TMEM108: variants seen among roughly 807,000 people sequenced by gnomAD.
TMEM108 encodes the protein transmembrane protein 108.
TMEM108 carries 12 observed loss-of-function variants against 35.1 expected under a neutral mutation model. That is an observed-to-expected ratio of 0.34 (90% CI 0.22 to 0.55). The LOEUF is 0.55. TMEM108 is among the 20% of genes least tolerant of loss of function. The pLI is 0.89. For synonymous variants in TMEM108, 287 were observed against 308.6 expected (o/e 0.93, Z 0.73); for missense variants, 680 against 753.3 (o/e 0.90, Z 1.14).
chr3:133,390,948 G>T (rs1450117788), intron 5 of TMEM108, among the ~76,000 whole-genome samples: 6 of 152,212 alleles, frequency 3.9e-5, no homozygotes, highest in African/African-American at 1.4e-4. Context: ...TGGCTGGTCA[G>T]TGAGTGAGCT....
intron 3 of TMEM108, among the ~76,000 whole-genome samples, chr3:133,282,990 G>A (rs909735933): frequency 7.2e-5 from 11 of 152,282 alleles, no homozygotes; most frequent in Non-Finnish European, 1.2e-4. Flanking sequence ...GTGTAGACAC[G>A]TATGTGTGTA....
At chr3:133,275,988 G>C (rs944314756) in intron 3 of TMEM108, among the ~76,000 whole-genome samples, 1 of 152,188 alleles carries the variant, frequency 6.6e-6, no homozygotes, top group South Asian at 2.1e-4. Context: ...ACTAGCCATG[G>C]ACGTGGCATT....
At chr3:133,313,660 C>T (rs1390607168) in intron 3 of TMEM108, among the ~76,000 whole-genome samples, 1 of 152,306 alleles carries the variant, frequency 6.6e-6, no homozygotes. Context: ...CATGCAATGT[C>T]CATCTGCCCT....
intron 2 of TMEM108, among the ~76,000 whole-genome samples, chr3:133,146,009 A>G (rs1944714382): frequency 6.6e-6 from 1 of 152,220 alleles, no homozygotes; most frequent in Admixed American, 6.5e-5. Flanking sequence ...TATGTTGAAT[A>G]GGAGTGGTGA....
At chr3:133,389,233 A>G in intron 4 of TMEM108, 1 of 985,544 alleles carries the variant, frequency 1.0e-6, no homozygotes, top group Non-Finnish European at 1.2e-6. Context: ...AACAATATCG[A>G]GACATAATTC....
chr3:133,323,913 CAT>C (rs1310278132), intron 3 of TMEM108, among the ~76,000 whole-genome samples: 1 of 152,044 alleles, frequency 6.6e-6, no homozygotes, highest in Non-Finnish European at 1.5e-5. Flanking sequence ...CAAACAAAAA[CAT>C]AAAGTCAGGA....
At chr3:133,219,239 C>T (rs1482567482) in intron 2 of TMEM108, among the ~76,000 whole-genome samples, 1 of 151,946 alleles carries the variant, frequency 6.6e-6, no homozygotes, top group Non-Finnish European at 1.5e-5. Context: ...TCTTTTCTTT[C>T]ATTTCTAACT....
chr3:133,199,653 G>A lies in TMEM108; in HGVS notation c.-46-29613G>A, dbSNP rs977239549. 8.3e-4 allele frequency among the ~76,000 whole-genome samples: 126 copies of A among 152,108 alleles called. 2 individuals carry two copies. Among genetic ancestry groups the A allele is most frequent in the Admixed American group, 8.1e-3 (123 of 15,264 alleles). ...GCCTAATCGTTCCTCTGGAAGCTTCGTCTCAGAGGGGCACCCAGCCGTATG... is the reference window on the plus strand; with the variant it reads ...GCCTAATCGTTCCTCTGGAAGCTTCATCTCAGAGGGGCACCCAGCCGTATG... On this transcript the variant is annotated intron_variant, in intron 2 of 5. Transcript: ENST00000321871.
At chr3:133,040,202 G>GTTTTTTTT (rs200928853) in intron 1 of TMEM108, among the ~76,000 whole-genome samples, 12 of 119,682 alleles carry the variant, frequency 1.0e-4, no homozygotes, top group African/African-American at 1.8e-4. Context: ...TTGTTTGTTT[G>GTTTTTTTT]TTTGTTTTTT....
rs534090881 is a variant in TMEM108 at position 133,078,559 on chromosome 3, A to G, written c.-47+32539A>G. Among the ~76,000 whole-genome samples, 3 of 152,314 alleles carry G rather than the reference A, an allele frequency of 2.0e-5. No homozygotes were observed. In the East Asian group the frequency reaches 5.8e-4, roughly 29 times the overall value. ...AGGCTGTAACCCTCTGAAAGGCCAC[A>G]GAATTATTAGTGATATTTTGAGTTT... is the stretch of plus-strand genomic sequence containing the variant. On this transcript the variant is annotated intron_variant, in intron 2 of 5. Transcript: ENST00000321871.
intron 2 of TMEM108, among the ~76,000 whole-genome samples, chr3:133,222,731 T>C (rs1260555969): frequency 6.6e-6 from 1 of 152,150 alleles, no homozygotes; most frequent in Non-Finnish European, 1.5e-5. Flanking sequence ...TACTTTGTTT[T>C]CTTGTTTTTA....
chr3:133,289,021 G>T (rs1400027494), intron 3 of TMEM108, among the ~76,000 whole-genome samples: 1 of 152,016 alleles, frequency 6.6e-6, no homozygotes, highest in East Asian at 1.9e-4. Context: ...CAGCCATGAG[G>T]CACCATGTGA....
At position 133,149,928 on chromosome 3, in the gene TMEM108, A is replaced by T. The variant is rs140577227; in HGVS notation, c.-46-79338A>T. 1.4e-3 allele frequency among the ~76,000 whole-genome samples: 218 copies of T among 152,196 alleles called. 1 individual carries two copies. The highest frequency in any genetic ancestry group is 4.7e-3 in the African/African-American group (194 of 41,542). ...AGGTTGTTTTCATATCTTGGCTATT[A>T]TGAATAGTGCTGCAATAAATATGGG... On this transcript the variant is annotated intron_variant, in intron 2 of 5. Transcript: ENST00000321871.
rs941269446 is a variant in TMEM108 at position 133,388,842 on chromosome 3, C to A, written c.1451-1338C>A. 3 of 985,628 alleles carry A rather than the reference C, an allele frequency of 3.0e-6. No individual in the cohort carries two copies. In the African/African-American group the frequency reaches 5.2e-5, roughly 17 times the overall value. The allele number at this position is 985,628 out of a possible 1,614,324, so 61.1% of individuals were successfully genotyped here. Reference sequence around the variant, plus strand: ...TGCCAGCTTGTGCAACTGCCCCACACCCTGGCATGAACCCACCCCTGATGC... The same window carrying A: ...TGCCAGCTTGTGCAACTGCCCCACAACCTGGCATGAACCCACCCCTGATGC... On this transcript the variant is annotated intron_variant, in intron 4 of 5. Transcript: ENST00000321871.
intron 3 of TMEM108, among the ~76,000 whole-genome samples, chr3:133,366,167 C>G (rs1312068837): frequency 2.0e-5 from 3 of 152,156 alleles, no homozygotes. Flanking sequence ...GTGGTAGGTG[C>G]TTAATAAATG....
intron 3 of TMEM108, among the ~76,000 whole-genome samples, chr3:133,245,488 CACAT>C (rs1158860129): frequency 6.6e-6 from 1 of 152,220 alleles, no homozygotes; most frequent in Non-Finnish European, 1.5e-5. Context: ...TCAGCATAAA[CACAT>C]CACCCAGTCT....
intron 2 of TMEM108, among the ~76,000 whole-genome samples, chr3:133,214,800 T>C (rs1576387670): frequency 6.6e-6 from 1 of 152,012 alleles, no homozygotes; most frequent in African/African-American, 2.4e-5. Flanking sequence ...GTCAGATCAG[T>C]GGTGGCATTA....
At chr3:133,103,020 C>G (rs1944107137) in intron 2 of TMEM108, among the ~76,000 whole-genome samples, 1 of 152,160 alleles carries the variant, frequency 6.6e-6, no homozygotes, top group African/African-American at 2.4e-5. Flanking sequence ...TTGTGGAAGA[C>G]AGTGTGGCAA....
chr3:133,109,458 T>A (rs1232742338), intron 2 of TMEM108, among the ~76,000 whole-genome samples: 2 of 150,742 alleles, frequency 1.3e-5, no homozygotes, highest in African/African-American at 4.8e-5. Flanking sequence ...TGAGACCCCG[T>A]TCTCCACAAA....
Sources: gnomAD v4.1 joint callset for allele counts (sites outside exome capture counted in the v4.1 genomes callset) on GRCh38, gnomAD v4.1.1 for gene constraint, MANE v1.5 for transcripts, NCBI Gene and HGNC (gene_info 2026-07-23, HGNC 2026-07-21) for gene names.